Variants in CEP128 observed in about 807,000 individuals in gnomAD.
The protein encoded by CEP128 is centrosomal protein 128kDa.
A neutral mutation model predicts 156.7 loss-of-function variants in CEP128; 132 were observed. The observed-to-expected ratio is 0.84, with a 90% CI of 0.73 to 0.97. The LOEUF (loss-of-function observed/expected upper bound fraction) is 0.97. Ranked by LOEUF, CEP128 falls within the 50% of genes least tolerant of loss-of-function variation. The pLI is 0.00. For missense variants in CEP128, 1,252 were observed against 1,281.9 expected, an observed-to-expected ratio of 0.98 and a Z score of 0.36; for synonymous variants, 469 against 448.9, an observed-to-expected ratio of 1.04 and a Z score of -0.57.
At position 80,584,147 on chromosome 14, in the gene CEP128, TTTTTTTTTTTTTTTTTG is replaced by T. The variant is rs929380163; in HGVS notation, c.2807-3741_2807-3725del. Among the ~76,000 whole-genome samples the T allele has an allele frequency of 6.8e-3, 745 of 109,614 alleles. 11 individuals are homozygous for T. The highest frequency in any genetic ancestry group is 0.029 in the African/African-American group (716 of 24,898). The allele number at this position is 109,614 out of a possible 152,430, so 71.9% of individuals were successfully genotyped here. A position where few individuals can be genotyped will look rare whatever the true frequency, so the allele number is the denominator to read the frequency against. On this transcript the variant is annotated intron_variant, in intron 19 of 24. Coordinates refer to ENST00000555265, the MANE Select transcript of CEP128 (RefSeq NM_152446.5). ...GAATCAGGGCGTCCGTGACATTTTT[TTTTTTTTTTTTTTTTTG>T]TTTGACAGCGTCTCATCCGATGCCC...
chr14:80,796,350 C>T (rs1595412992), intron 13 of CEP128, among the ~76,000 whole-genome samples: 1 of 152,122 alleles, frequency 6.6e-6, no homozygotes, highest in South Asian at 2.1e-4. Context: ...ATCCCAGCTA[C>T]TCAGGAGGCT....
At chr14:80,669,958 A>G (rs1895772341) in intron 19 of CEP128, among the ~76,000 whole-genome samples, 1 of 152,172 alleles carries the variant, frequency 6.6e-6, no homozygotes, top group South Asian at 2.1e-4. Context: ...GGGAGGCCTC[A>G]GGAAGCTTCT....
At chr14:80,724,630 T>A (rs1897943047) in intron 19 of CEP128, among the ~76,000 whole-genome samples, 1 of 152,022 alleles carries the variant, frequency 6.6e-6, no homozygotes, top group Admixed American at 6.6e-5. Context: ...AGACACATAC[T>A]AGAAAAAGAT....
chr14:80,732,157 G>C lies in CEP128; in HGVS notation c.2806+10918C>G, dbSNP rs1898302828. Among the ~76,000 whole-genome samples, 2 of 152,062 alleles carry C rather than the reference G, an allele frequency of 1.3e-5. 1 individual carries two copies. Among genetic ancestry groups the C allele is most frequent in the South Asian group, 4.1e-4 (2 of 4,828 alleles). ...TACCAGATGCAATGAGGAAACAAGA[G>C]ATTAAAACCTAGTATTAAATAATAT... On this transcript the variant is annotated intron_variant, in intron 19 of 24. Transcript: ENST00000555265.
chr14:80,534,046 G>C (rs1889358671), intron 21 of CEP128, among the ~76,000 whole-genome samples: 1 of 152,174 alleles, frequency 6.6e-6, no homozygotes, highest in Non-Finnish European at 1.5e-5. Flanking sequence ...AAGATGTGAA[G>C]TAATGAAGAC....
In CEP128 at chr14:80,533,559, G is replaced by T. The variant is rs541214900; in HGVS notation, c.2881-2673C>A. On this transcript the variant is annotated intron_variant, in intron 21 of 24. Transcript: ENST00000555265. ...TACATACTATTTTTGACAATTATAT[G>T]ATGGTTTTGGATGTATATTCAAACG... Among the ~76,000 whole-genome samples, 66 of 152,212 alleles carry T rather than the reference G, an allele frequency of 4.3e-4. No homozygotes were observed. The South Asian group carries it at 4.8e-3, about 11-fold the overall frequency.
intron 8 of CEP128, among the ~76,000 whole-genome samples, chr14:80,863,907 T>C (rs945427382): frequency 6.6e-6 from 1 of 152,120 alleles, no homozygotes; most frequent in Non-Finnish European, 1.5e-5. Context: ...AAAAAATAAA[T>C]AAACATAAGT....
chr14:80,615,804 C>T (rs906622455), intron 19 of CEP128, among the ~76,000 whole-genome samples: 4 of 152,046 alleles, frequency 2.6e-5, no homozygotes, highest in East Asian at 3.9e-4. Context: ...GCCAAGATGG[C>T]GCCATTGCAC....
intron 7 of CEP128, among the ~76,000 whole-genome samples, chr14:80,898,398 C>T (rs1015665828): frequency 2.6e-5 from 4 of 152,176 alleles, no homozygotes; most frequent in Non-Finnish European, 4.4e-5. Flanking sequence ...AAACCTAACT[C>T]CTATTTTGGG....
At chr14:80,935,646 C>CAA (rs375122664) in intron 2 of CEP128, among the ~76,000 whole-genome samples, 10,731 of 51,532 alleles carry the variant, frequency 0.21, 3,281 homozygotes, top group South Asian at 0.32. Context: ...GTCCCCCCAC[C>CAA]AAAAAAAAAA....
chr14:80,781,229 G>A (rs908615341), intron 15 of CEP128, among the ~76,000 whole-genome samples: 10 of 152,058 alleles, frequency 6.6e-5, no homozygotes, highest in African/African-American at 1.7e-4. Flanking sequence ...AGGCCAAGGT[G>A]GGGGGGATCA....
At chr14:80,696,255 T>C (rs954231232) in intron 19 of CEP128, among the ~76,000 whole-genome samples, 3 of 152,138 alleles carry the variant, frequency 2.0e-5, no homozygotes, top group Non-Finnish European at 4.4e-5. Flanking sequence ...ACAAGTAGTA[T>C]ATAAAATAAA....
intron 16 of CEP128, among the ~76,000 whole-genome samples, chr14:80,775,538 A>G (rs1215413690): frequency 6.6e-6 from 1 of 152,220 alleles, no homozygotes; most frequent in Non-Finnish European, 1.5e-5. Flanking sequence ...TTTTCTCTGC[A>G]TTAGCACCCA....
chr14:80,900,290 G>A (rs908099266), intron 6 of CEP128, among the ~76,000 whole-genome samples: 1 of 152,160 alleles, frequency 6.6e-6, no homozygotes, highest in Non-Finnish European at 1.5e-5. Context: ...GAAGGGGTCT[G>A]CTTCTTCCTT....
intron 8 of CEP128, among the ~76,000 whole-genome samples, chr14:80,884,450 G>A (rs1232028780): frequency 1.3e-5 from 2 of 152,174 alleles, no homozygotes; most frequent in East Asian, 3.9e-4. Flanking sequence ...ATTTCCAACT[G>A]AGGTATCAAG....
intron 22 of CEP128, among the ~76,000 whole-genome samples, chr14:80,529,329 A>T (rs577976230): frequency 6.6e-6 from 1 of 152,298 alleles, no homozygotes; most frequent in African/African-American, 2.4e-5. Context: ...CTCCCAAAAA[A>T]TTTTACTATT....
At chr14:80,672,310 A>C (rs1292270301) in intron 19 of CEP128, among the ~76,000 whole-genome samples, 1 of 148,218 alleles carries the variant, frequency 6.7e-6, no homozygotes, top group Non-Finnish European at 1.5e-5. Flanking sequence ...AATAAGCCAA[A>C]AAAAAAAAAG....
chr14:80,776,623 G>A (rs1900809024), intron 16 of CEP128, among the ~76,000 whole-genome samples: 1 of 150,636 alleles, frequency 6.6e-6, no homozygotes, highest in Non-Finnish European at 1.5e-5. Flanking sequence ...CACTAAGAAA[G>A]TTTCTTCCTA....
chr14:80,874,640 C>T (rs750247501), intron 8 of CEP128, among the ~76,000 whole-genome samples: 13 of 152,058 alleles, frequency 8.5e-5, no homozygotes, highest in African/African-American at 1.4e-4. Flanking sequence ...GTTTCTGAGA[C>T]GGAGTCTCGC....
Sources: allele counts gnomAD v4.1 joint callset (sites outside exome capture counted in the v4.1 genomes callset), GRCh38; gene constraint gnomAD v4.1.1; transcripts MANE v1.5; gene names NCBI Gene and HGNC (gene_info 2026-07-23, HGNC 2026-07-21).